Variants in RANBP17 observed in about 807,000 individuals in gnomAD.
RANBP17 encodes ran-binding protein 17.
RANBP17 carries 158 observed loss-of-function variants against 141.2 expected under a neutral mutation model. The ratio of observed to expected loss-of-function variants is 1.12; its 90% confidence interval spans 0.98 to 1.28. The LOEUF (loss-of-function observed/expected upper bound fraction) is 1.28. Among genes scored for constraint, RANBP17 ranks in the 50% most tolerant of loss-of-function variants. RANBP17 has a pLI of 0.00. For missense variants in RANBP17, 1,438 were observed against 1,290.7 expected (o/e 1.11, Z -1.75); for synonymous variants, 430 against 450.0 (o/e 0.96, Z 0.56).
chr5:171,211,806 C>T (rs1345741617), intron 20 of RANBP17, among the ~76,000 whole-genome samples: 1 of 152,030 alleles, frequency 6.6e-6, no homozygotes, highest in Non-Finnish European at 1.5e-5. Context: ...TTTTAGGAAG[C>T]ATACCACTCT....
At chr5:171,202,719 G>T (rs1165147703) in intron 19 of RANBP17, among the ~76,000 whole-genome samples, 1 of 152,116 alleles carries the variant, frequency 6.6e-6, no homozygotes, top group East Asian at 1.9e-4. Flanking sequence ...CGGCTCTTTT[G>T]TTGGAACTAT....
At chr5:171,148,822 C>A (rs1172304172) in intron 14 of RANBP17, among the ~76,000 whole-genome samples, 2 of 152,102 alleles carry the variant, frequency 1.3e-5, no homozygotes, top group East Asian at 3.9e-4. Context: ...AATGTGATTT[C>A]TTCAGTGGTA....
chr5:170,871,053 C>CT (rs891215971), intron 1 of RANBP17, among the ~76,000 whole-genome samples: 10 of 152,058 alleles, frequency 6.6e-5, no homozygotes, highest in Non-Finnish European at 1.0e-4. Flanking sequence ...CCTTTGCCCA[C>CT]TTTTTTTTCT....
chr5:171,106,645 A>AT (rs1176337437), intron 14 of RANBP17, among the ~76,000 whole-genome samples: 1 of 152,178 alleles, frequency 6.6e-6, no homozygotes, highest in African/African-American at 2.4e-5. Context: ...ATTTGTCTTT[A>AT]TTGTTAACTT....
chr5:170,910,419 C>T (rs1392649141), intron 6 of RANBP17: 1 of 152,686 alleles, frequency 6.5e-6, no homozygotes, highest in Admixed American at 6.5e-5. Context: ...CTATGTCAGA[C>T]CCAAAGACCT....
At chr5:171,060,869 G>C (rs1285083123) in intron 14 of RANBP17, among the ~76,000 whole-genome samples, 1 of 152,100 alleles carries the variant, frequency 6.6e-6, no homozygotes, top group South Asian at 2.1e-4. Context: ...CAGAGATTCA[G>C]CTTCTTCCTG....
intron 14 of RANBP17, among the ~76,000 whole-genome samples, chr5:171,083,186 C>G (rs527683524): frequency 6.6e-6 from 1 of 152,048 alleles, no homozygotes. Flanking sequence ...TTTGTGTGCC[C>G]TCAACATTCA....
intron 12 of RANBP17, among the ~76,000 whole-genome samples, chr5:170,931,632 C>G (rs1009469212): frequency 6.6e-6 from 1 of 152,152 alleles, no homozygotes; most frequent in Non-Finnish European, 1.5e-5. Flanking sequence ...ATATGGCTAG[C>G]CAGTTTTCCC....
chr5:171,064,468 T>A (rs1431668513), intron 14 of RANBP17, among the ~76,000 whole-genome samples: 3 of 152,170 alleles, frequency 2.0e-5, no homozygotes, highest in Non-Finnish European at 4.4e-5. Flanking sequence ...CTCCTTTGAG[T>A]TGTTTATTCA....
At chr5:171,087,827 C>T (rs1229649887) in intron 14 of RANBP17, among the ~76,000 whole-genome samples, 2 of 150,040 alleles carry the variant, frequency 1.3e-5, no homozygotes, top group African/African-American at 4.9e-5. Context: ...GTAGATCTTC[C>T]TCCATCCTTT....
intron 1 of RANBP17, among the ~76,000 whole-genome samples, chr5:170,875,422 G>A (rs1768097360): frequency 6.6e-6 from 1 of 152,138 alleles, no homozygotes; most frequent in South Asian, 2.1e-4. Flanking sequence ...TTCCAACTTG[G>A]TTCCACTCTC....
At chr5:171,178,197 A>G (rs1760636403) in intron 16 of RANBP17, among the ~76,000 whole-genome samples, 2 of 50,262 alleles carry the variant, frequency 4.0e-5, no homozygotes, top group Admixed American at 2.9e-4. Flanking sequence ...CAGGCCCCTG[A>G]CGTGTGATGT....
intron 13 of RANBP17, among the ~76,000 whole-genome samples, chr5:170,967,406 C>T (rs935510807): frequency 2.0e-5 from 3 of 152,022 alleles, no homozygotes; most frequent in African/African-American, 7.2e-5. Context: ...CCTCAACAAC[C>T]TCTACTTCTG....
intron 16 of RANBP17, among the ~76,000 whole-genome samples, chr5:171,174,400 A>T (rs1055986381): frequency 1.3e-5 from 2 of 152,132 alleles, no homozygotes; most frequent in Admixed American, 1.3e-4. Context: ...TGGGAAAAGG[A>T]GAGATTGTTC....
intron 19 of RANBP17, among the ~76,000 whole-genome samples, chr5:171,204,685 A>G (rs1304454125): frequency 2.0e-5 from 3 of 152,182 alleles, no homozygotes; most frequent in Non-Finnish European, 4.4e-5. Flanking sequence ...ACCTAAGGAC[A>G]GCTTAATTAA....
chr5:170,941,451 A>G (rs1457698), intron 12 of RANBP17, among the ~76,000 whole-genome samples: 93,020 of 151,908 alleles, frequency 0.61, 29,885 homozygotes, highest in South Asian at 0.9. Flanking sequence ...TGCTATTTCC[A>G]GAGGTCAATA....
intron 24 of RANBP17, among the ~76,000 whole-genome samples, chr5:171,262,225 T>A (rs749328409): frequency 6.6e-6 from 1 of 152,240 alleles, no homozygotes; most frequent in Non-Finnish European, 1.5e-5. Flanking sequence ...TCTTTGTAGA[T>A]GTCGAGTTAC....
chr5:171,276,637 C>T (rs945870463), intron 25 of RANBP17, among the ~76,000 whole-genome samples: 2 of 152,046 alleles, frequency 1.3e-5, no homozygotes, highest in Admixed American at 6.6e-5. Context: ...AGCTATTAGT[C>T]TGCAACAAAT....
At chr5:170,981,839 A>G (rs887607721) in intron 14 of RANBP17, among the ~76,000 whole-genome samples, 1 of 152,190 alleles carries the variant, frequency 6.6e-6, no homozygotes, top group Non-Finnish European at 1.5e-5. Context: ...GAAAGCTAGT[A>G]GTTAGGTGAT....
Sources: gnomAD v4.1 joint callset for allele counts (sites outside exome capture counted in the v4.1 genomes callset) on GRCh38, gnomAD v4.1.1 for gene constraint, MANE v1.5 for transcripts, NCBI Gene and HGNC (gene_info 2026-07-23, HGNC 2026-07-21) for gene names.